Variants in ASIP observed in about 807,000 individuals in gnomAD.
The protein encoded by ASIP is agouti-signaling protein.
A neutral mutation model predicts 10.3 loss-of-function variants in ASIP; 11 were observed. The ratio of observed to expected loss-of-function variants is 1.07; its 90% confidence interval spans 0.68 to 1.78. ASIP has a LOEUF of 1.78. ASIP is among the 40% of genes most tolerant of loss of function. ASIP has a pLI of 0.00. For synonymous variants in ASIP, 70 were observed against 70.8 expected, an observed-to-expected ratio of 0.99 and a Z score of 0.06; for missense variants, 180 against 169.2, an observed-to-expected ratio of 1.06 and a Z score of -0.35.
At chr20:34,239,336 C>G (rs2035252820), upstream of ASIP, among the ~76,000 whole-genome samples, 1 of 152,108 alleles carries the variant, frequency 6.6e-6, no homozygotes, top group Admixed American at 6.5e-5. Context: ...CCTGCCTCAG[C>G]CTCCCAAGTA....
chr20:34,256,052 C>G (rs553090960), intron 1 of ASIP, among the ~76,000 whole-genome samples: 8 of 152,256 alleles, frequency 5.3e-5, no homozygotes, highest in African/African-American at 1.7e-4. Context: ...TGTTCCACCC[C>G]GTACACCTGG....
intron 1 of ASIP, among the ~76,000 whole-genome samples, chr20:34,221,361 G>A (rs1019914109): frequency 6.6e-6 from 1 of 151,906 alleles, no homozygotes; most frequent in Non-Finnish European, 1.5e-5. Flanking sequence ...CTGGGCGACA[G>A]AGCGAGACTC....
chr20:34,206,240 G>C (rs959304250), intron 1 of ASIP, among the ~76,000 whole-genome samples: 18 of 152,034 alleles, frequency 1.2e-4, no homozygotes, highest in Non-Finnish European at 2.5e-4. Flanking sequence ...CAAGTGATCT[G>C]CCTGCCTCAG....
intron 3 of ASIP, among the ~76,000 whole-genome samples, chr20:34,268,549 C>A (rs899235888): frequency 5.3e-5 from 8 of 151,888 alleles, no homozygotes; most frequent in African/African-American, 1.9e-4. Flanking sequence ...AAGTGAGACC[C>A]CGTCTATAAA....
chr20:34,260,003 G>T (rs1208892806), intron 1 of ASIP, among the ~76,000 whole-genome samples: 1 of 151,752 alleles, frequency 6.6e-6, no homozygotes, highest in African/African-American at 2.4e-5. Context: ...CCTACTGGGG[G>T]CCTTTCAACA....
chr20:34,223,551 G>T (rs1250624879), intron 1 of ASIP, among the ~76,000 whole-genome samples: 16 of 127,032 alleles, frequency 1.3e-4, no homozygotes, highest in South Asian at 1.1e-3. Context: ...GAGGTGGGGG[G>T]GTCAGCCCCC....
intron 1 of ASIP, among the ~76,000 whole-genome samples, chr20:34,202,642 T>C (rs1222871804): frequency 6.6e-6 from 1 of 152,076 alleles, no homozygotes; most frequent in Non-Finnish European, 1.5e-5. Context: ...AATATGTGTG[T>C]GTTGTTCTGG....
chr20:34,195,235 G>A (rs1435595854), intron 1 of ASIP, among the ~76,000 whole-genome samples: 1 of 152,032 alleles, frequency 6.6e-6, no homozygotes, highest in Non-Finnish European at 1.5e-5. Flanking sequence ...CCTCATGGAA[G>A]GAGCAGCCAT....
intron 1 of ASIP, among the ~76,000 whole-genome samples, chr20:34,200,788 A>C (rs2034887029): frequency 6.6e-6 from 1 of 152,240 alleles, no homozygotes; most frequent in Non-Finnish European, 1.5e-5. Flanking sequence ...TTACAATTCC[A>C]AAATGTTAGA....
chr20:34,220,038 C>A (rs1427446320), intron 1 of ASIP, among the ~76,000 whole-genome samples: 1 of 151,696 alleles, frequency 6.6e-6, no homozygotes, highest in Non-Finnish European at 1.5e-5. Context: ...TGCAGTGAGC[C>A]GAGATCGTGC....
At chr20:34,195,082 T>C (rs1243257247) in intron 1 of ASIP, among the ~76,000 whole-genome samples, 1 of 151,724 alleles carries the variant, frequency 6.6e-6, no homozygotes, top group Non-Finnish European at 1.5e-5. Context: ...TTGTTGTAGT[T>C]GCTGGCCACT....
chr20:34,233,213 T>A (rs2035136051), intron 1 of ASIP, among the ~76,000 whole-genome samples: 1 of 148,940 alleles, frequency 6.7e-6, no homozygotes, highest in African/African-American at 2.5e-5. Flanking sequence ...AATGGTGTGA[T>A]CTCAGCTCAC....
chr20:34,252,910 G>C (rs1288903563), intron 1 of ASIP, among the ~76,000 whole-genome samples: 1 of 152,076 alleles, frequency 6.6e-6, no homozygotes, highest in Non-Finnish European at 1.5e-5. Flanking sequence ...TGTTAACAAG[G>C]CACATCCTGC....
intron 1 of ASIP, among the ~76,000 whole-genome samples, chr20:34,223,880 ATTC>A (rs557123288): frequency 0.091 from 9,242 of 101,140 alleles, 1,218 homozygotes; most frequent in African/African-American, 0.39. Flanking sequence ...ACTAAGAAAA[ATTC>A]TTCTGCCTTG....
chr20:34,225,366 A>G (rs2035085797), intron 1 of ASIP, among the ~76,000 whole-genome samples: 1 of 150,330 alleles, frequency 6.7e-6, no homozygotes, highest in Admixed American at 6.6e-5. Context: ...GAAAATTCTT[A>G]TCAACATTAT....
chr20:34,225,098 A>G (rs1158684873), intron 1 of ASIP, among the ~76,000 whole-genome samples: 2 of 132,142 alleles, frequency 1.5e-5, no homozygotes, highest in Non-Finnish European at 3.2e-5. Flanking sequence ...CTGGAGTGCA[A>G]TGGCACAATC....
At chr20:34,232,600 T>G (rs888251656) in intron 1 of ASIP, among the ~76,000 whole-genome samples, 2 of 152,152 alleles carry the variant, frequency 1.3e-5, no homozygotes, top group African/African-American at 4.8e-5. Context: ...ATTTGAGACA[T>G]CCAGTATATA....
upstream of ASIP, among the ~76,000 whole-genome samples, chr20:34,191,159 T>C (rs911863206): frequency 6.6e-6 from 1 of 152,212 alleles, no homozygotes; most frequent in Non-Finnish European, 1.5e-5. Flanking sequence ...TTCCCTGACA[T>C]ACAGGTGGTG....
chr20:34,262,521 C>CT (rs1248706017), intron 2 of ASIP, among the ~76,000 whole-genome samples: 5 of 152,226 alleles, frequency 3.3e-5, no homozygotes, highest in African/African-American at 1.2e-4. Flanking sequence ...TGGGGTGGCT[C>CT]TGAGTGGCCC....
Sources: allele counts gnomAD v4.1 joint callset (sites outside exome capture counted in the v4.1 genomes callset), GRCh38; gene constraint gnomAD v4.1.1; transcripts MANE v1.5; gene names NCBI Gene and HGNC (gene_info 2026-07-23, HGNC 2026-07-21).